Variants in CHST11 observed in about 807,000 individuals in gnomAD.
The protein encoded by CHST11 is C4S-1.
A neutral mutation model predicts 30.4 loss-of-function variants in CHST11; 9 were observed. The ratio of observed to expected loss-of-function variants is 0.30; its 90% CI spans 0.18 to 0.52. CHST11 has a LOEUF of 0.52. CHST11 is among the 20% of genes least tolerant of loss of function. The probability of loss-of-function intolerance (pLI) is 0.97; values close to 1 mark genes in which losing one functional copy is unlikely to be tolerated. For synonymous variants in CHST11, 152 were observed against 187.8 expected (o/e 0.81, Z 1.56); for missense variants, 348 against 460.6 (o/e 0.76, Z 2.24).
intron 2 of CHST11, among the ~76,000 whole-genome samples, chr12:104,705,717 T>C (rs532927668): frequency 6.4e-4 from 97 of 152,234 alleles, no homozygotes; most frequent in African/African-American, 2.3e-3. Flanking sequence ...GGCCAGGAGT[T>C]TGAGAACAGC....
At position 104,757,928 on chromosome 12, in the gene CHST11, A is replaced by G. The variant is rs114206233; in HGVS notation, c.*125A>G. ...CTTTGGGGATGATGCTGCGAGCAGC[A>G]TAGTGAGAATTATTTAAAATCCTTC... On this transcript the variant is annotated 3_prime_UTR_variant, in exon 3 of 3. Transcript: ENST00000303694. The surrounding 1 kb of genome is among the most constrained non-coding windows in gnomAD (Gnocchi z 6.5). 1.4e-3 allele frequency: 1,504 copies of G among 1,045,554 alleles called. 15 individuals carry two copies. The African/African-American group carries it at 0.022, about 15-fold the overall frequency. 64.8% of individuals were successfully genotyped at this position (1,045,554 alleles called of 1,614,324 possible).
At chr12:104,543,305 C>A (rs996017829) in intron 1 of CHST11, among the ~76,000 whole-genome samples, 12 of 152,358 alleles carry the variant, frequency 7.9e-5, no homozygotes, top group Non-Finnish European at 1.8e-4. Flanking sequence ...AACACCTCCC[C>A]CTAGGCCCAC....
intron 1 of CHST11, among the ~76,000 whole-genome samples, chr12:104,467,580 G>A (rs2037471447): frequency 6.6e-6 from 1 of 152,184 alleles, no homozygotes; most frequent in African/African-American, 2.4e-5. Flanking sequence ...CAGGACTTGG[G>A]TTCTGTCTCA....
intron 1 of CHST11, among the ~76,000 whole-genome samples, chr12:104,491,784 T>G (rs1183897125): frequency 6.6e-6 from 1 of 152,130 alleles, no homozygotes; most frequent in African/African-American, 2.4e-5. Flanking sequence ...GCCAGTACCC[T>G]TCTCAAAACA....
At chr12:104,675,006 T>C (rs1043282927) in intron 2 of CHST11, among the ~76,000 whole-genome samples, 1 of 152,206 alleles carries the variant, frequency 6.6e-6, no homozygotes, top group Non-Finnish European at 1.5e-5. Context: ...CAAAATACTT[T>C]GCATTTTTCC....
chr12:104,639,888 GAA>G (rs1391339500), intron 2 of CHST11, among the ~76,000 whole-genome samples: 6 of 151,890 alleles, frequency 4.0e-5, no homozygotes, highest in Admixed American at 3.3e-4. Context: ...AACAATAAGA[GAA>G]CAAACAGCCC....
intron 2 of CHST11, among the ~76,000 whole-genome samples, chr12:104,647,183 T>C (rs1322378432): frequency 1.3e-5 from 2 of 152,192 alleles, no homozygotes; most frequent in East Asian, 3.8e-4. Flanking sequence ...CCCTCTTACC[T>C]CCACGATTCT....
At chr12:104,594,871 C>T (rs1030616269) in intron 1 of CHST11, among the ~76,000 whole-genome samples, 4 of 152,164 alleles carry the variant, frequency 2.6e-5, no homozygotes, top group Non-Finnish European at 5.9e-5. Flanking sequence ...GTGGGAGGAT[C>T]GGTTGAGCCT....
rs547666623 is a variant in CHST11, at chr12:104,458,365, C to T, written c.118+836C>T. Among the ~76,000 whole-genome samples the T allele has an allele frequency of 1.8e-3, 277 of 152,350 alleles. No homozygotes were observed. Among genetic ancestry groups the T allele is most frequent in the Non-Finnish European group, 3.3e-3 (223 of 68,034 alleles). On this transcript the variant is annotated intron_variant, in intron 1 of 2. Transcript: ENST00000303694. The surrounding 1 kb of genome is among the most constrained non-coding windows in gnomAD (Gnocchi z 5.7). Reference sequence around the variant, plus strand: ...CTTCTGGGATCCGAGCAACGGGAATCCCCCGGGCGGCGTGGGAATGAACCC... The same window carrying T: ...CTTCTGGGATCCGAGCAACGGGAATTCCCCGGGCGGCGTGGGAATGAACCC...
chr12:104,526,730 T>G (rs2038130164), intron 1 of CHST11, among the ~76,000 whole-genome samples: 1 of 152,168 alleles, frequency 6.6e-6, no homozygotes. Context: ...GTTTAGCTTC[T>G]GGGGGTTCCG....
rs1156665033 is a variant in CHST11 at position 104,729,805 on chromosome 12, A to G, written c.205-27144A>G. Among the ~76,000 whole-genome samples the G allele has an allele frequency of 6.6e-6, 1 of 152,100 alleles. No homozygotes were observed. The highest frequency in any genetic ancestry group is 2.4e-5 in the African/African-American group (1 of 41,418). ...TGCGGAGAGTAGGTTGGGTTTAGAA[A>G]AATGAAGAGGAGGAGCAGCACAGGC... is the stretch of plus-strand genomic sequence containing the variant. On this transcript the variant is annotated intron_variant, in intron 2 of 2. Transcript: ENST00000303694. The surrounding 1 kb of genome is among the most constrained non-coding windows in gnomAD (Gnocchi z 4.0).
rs138877146 is a variant in CHST11 at position 104,578,607 on chromosome 12, G to A, written c.119-23299G>A. On this transcript the variant is annotated intron_variant, in intron 1 of 2. Transcript: ENST00000303694. ...AGAATTGAGTCATCGGCTTTCTGGC[G>A]TGGTTTATTCTGTCCCAGAATCCCT... Among the ~76,000 whole-genome samples, 14 of 152,276 alleles carry A rather than the reference G, an allele frequency of 9.2e-5. No homozygotes were observed. The East Asian group carries it at 2.3e-3, about 25-fold the overall frequency.
chr12:104,577,680 G>A (rs1418594735), intron 1 of CHST11, among the ~76,000 whole-genome samples: 1 of 152,134 alleles, frequency 6.6e-6, no homozygotes, highest in Admixed American at 6.5e-5. Context: ...AGGCTCCCAT[G>A]GCAGAATAGA....
At chr12:104,520,797 A>G (rs1212124802) in intron 1 of CHST11, among the ~76,000 whole-genome samples, 2 of 152,146 alleles carry the variant, frequency 1.3e-5, no homozygotes, top group African/African-American at 4.8e-5. Context: ...CTTTGCTTGT[A>G]TCTGCTCAGG....
chr12:104,629,477 C>T (rs1021831889), intron 2 of CHST11, among the ~76,000 whole-genome samples: 2 of 152,220 alleles, frequency 1.3e-5, no homozygotes, highest in Non-Finnish European at 1.5e-5. Context: ...TGCCCCTTGA[C>T]TTACAATGGG....
intron 1 of CHST11, among the ~76,000 whole-genome samples, chr12:104,582,048 T>A (rs7309946): frequency 1.9e-4 from 29 of 152,190 alleles, no homozygotes; most frequent in Admixed American, 1.7e-3. Flanking sequence ...TCTATCCTTA[T>A]TTCATCCAGT....
chr12:104,613,488 A>G (rs903865788), intron 2 of CHST11, among the ~76,000 whole-genome samples: 1 of 152,234 alleles, frequency 6.6e-6, no homozygotes, highest in East Asian at 1.9e-4. Flanking sequence ...TGATTGGATC[A>G]TGGGGTGGAT....
chr12:104,625,472 T>C (rs2039204771), intron 2 of CHST11, among the ~76,000 whole-genome samples: 1 of 152,150 alleles, frequency 6.6e-6, no homozygotes, highest in South Asian at 2.1e-4. Flanking sequence ...GCCTGGCTCA[T>C]TTTTGTGTTT....
At chr12:104,539,139 C>T (rs958305874) in intron 1 of CHST11, among the ~76,000 whole-genome samples, 3 of 152,178 alleles carry the variant, frequency 2.0e-5, no homozygotes, top group African/African-American at 7.2e-5. Context: ...TCCCTCTACC[C>T]ACAAGCAGCT....
Sources: allele counts gnomAD v4.1 joint callset (sites outside exome capture counted in the v4.1 genomes callset), GRCh38; gene constraint gnomAD v4.1.1; non-coding constraint Gnocchi (gnomAD v3.1); transcripts MANE v1.5; gene names NCBI Gene and HGNC (gene_info 2026-07-23, HGNC 2026-07-21).